Variants in KLRD1 observed in about 807,000 individuals in gnomAD.
KLRD1 encodes natural killer cells antigen CD94.
KLRD1 carries 21 observed loss-of-function variants against 22.6 expected under a neutral mutation model. That is an observed-to-expected ratio of 0.93 (90% CI 0.66 to 1.34). KLRD1 has a LOEUF of 1.34. KLRD1 is among the 40% of genes most tolerant of loss of function. The pLI is 0.00. For synonymous variants in KLRD1, 59 were observed against 71.1 expected, an observed-to-expected ratio of 0.83 and a Z score of 0.85; for missense variants, 183 against 208.6, an observed-to-expected ratio of 0.88 and a Z score of 0.76.
intron 1 of KLRD1, among the ~76,000 whole-genome samples, chr12:10,256,315 A>G (rs1349208230): frequency 6.6e-6 from 1 of 151,608 alleles, no homozygotes; most frequent in Non-Finnish European, 1.5e-5. Flanking sequence ...ATTTAATGCA[A>G]TTACTGATGG....
chr12:10,274,202 C>G (rs543383761), intron 1 of KLRD1, among the ~76,000 whole-genome samples: 106 of 152,080 alleles, frequency 7.0e-4, no homozygotes, highest in Non-Finnish European at 1.4e-3. Flanking sequence ...ATCGCTTGAA[C>G]CCGGGAGGCA....
chr12:10,317,199 T>C lies in KLRD1; in HGVS notation c.*2406T>C, dbSNP rs1950252036. On this transcript the variant is annotated 3_prime_UTR_variant, in exon 6 of 6. Coordinates refer to ENST00000336164, the MANE Select transcript of KLRD1 (RefSeq NM_002262.5). ...GTCTATCACTGATGGGCATTTGGGT[T>C]GGTTCCAAGTCTTTGCTATGGTAAA... 6.6e-6 allele frequency: 1 copy of C among 152,204 alleles called. No individual in the cohort carries two copies. Among genetic ancestry groups the C allele is most frequent in the Admixed American group, 6.5e-5 (1 of 15,284 alleles). The allele number at this position is 152,204 out of a possible 1,614,324, so 9.4% of individuals were successfully genotyped here.
upstream of KLRD1, among the ~76,000 whole-genome samples, chr12:10,306,951 AAAAT>A (rs1949940001): frequency 6.6e-6 from 1 of 152,228 alleles, no homozygotes; most frequent in South Asian, 2.1e-4. Context: ...AACAATATAC[AAAAT>A]ATAATACACA....
intron 1 of KLRD1, among the ~76,000 whole-genome samples, chr12:10,263,317 A>G (rs1025393748): frequency 1.3e-5 from 2 of 152,052 alleles, no homozygotes; most frequent in African/African-American, 4.8e-5. Flanking sequence ...CATTAAAATT[A>G]TACAAAATTG....
At chr12:10,289,100 C>T (rs1378340565) in intron 1 of KLRD1, among the ~76,000 whole-genome samples, 1 of 152,210 alleles carries the variant, frequency 6.6e-6, no homozygotes, top group Non-Finnish European at 1.5e-5. Context: ...GACAGGGGCT[C>T]AGTTCCACTT....
At chr12:10,286,113 T>A (rs891219686) in intron 1 of KLRD1, among the ~76,000 whole-genome samples, 1 of 152,154 alleles carries the variant, frequency 6.6e-6, no homozygotes, top group Non-Finnish European at 1.5e-5. Context: ...AGGTGTTAAC[T>A]GTTATTTTAG....
rs1410443279 is a variant in KLRD1, at chr12:10,317,408, A to G, written c.*2615A>G. 6.6e-6 allele frequency: 1 copy of G among 152,196 alleles called. No individual in the cohort carries two copies. The highest frequency in any genetic ancestry group is 1.5e-5 in the Non-Finnish European group (1 of 68,034). The allele number at this position is 152,196 out of a possible 1,614,324, so 9.4% of individuals were successfully genotyped here. On this transcript the variant is annotated 3_prime_UTR_variant, in exon 6 of 6. Transcript: ENST00000336164. ...ATAAGCTATGAGTCTGCCTTTCTTC[A>G]TGGTCCAGGATATGGGCCATGTGCT...
intron 1 of KLRD1, among the ~76,000 whole-genome samples, chr12:10,274,799 A>G (rs992503264): frequency 1.3e-5 from 2 of 152,208 alleles, no homozygotes; most frequent in East Asian, 3.8e-4. Context: ...TGTTTTCTAA[A>G]CACATTTCCA....
chr12:10,270,521 C>T (rs1949539865), intron 1 of KLRD1, among the ~76,000 whole-genome samples: 1 of 152,076 alleles, frequency 6.6e-6, no homozygotes, highest in Admixed American at 6.6e-5. Context: ...AGAACTTTCA[C>T]CAAGAATATT....
Position 10,311,549 on chromosome 12 carries a change from C to A in KLRD1, c.249C>A (p.Asn83Lys). 3.1e-6 allele frequency: 5 copies of A among 1,614,046 alleles called. No homozygotes were observed. The highest frequency in any genetic ancestry group is 4.2e-6 in the Non-Finnish European group (5 of 1,179,948). The change falls in exon 4 of 6, where the codon AAC (asparagine) becomes AAA (lysine). Residue 83 changes from asparagine to lysine, a missense_variant. Physicochemically the swap from Asn to Lys is moderately conservative, Grantham distance 94 (BLOSUM62 0). Coordinates refer to ENST00000336164, the MANE Select transcript of KLRD1 (RefSeq NM_002262.5). ...YFISSEQKTWNESRHLCASQK... is the reference protein window; with the variant it reads ...YFISSEQKTWKESRHLCASQK... ...TTTCCAGTGAACAGAAAACTTGGAA[C>A]GAAAGTCGGCATCTCTGTGCTTCTC...
intron 1 of KLRD1, among the ~76,000 whole-genome samples, chr12:10,281,342 T>C (rs780132736): frequency 6.6e-5 from 10 of 152,214 alleles, no homozygotes; most frequent in Non-Finnish European, 1.5e-4. Flanking sequence ...CCTCTAAAAC[T>C]GTAAGAGAAT....
intron 1 of KLRD1, among the ~76,000 whole-genome samples, chr12:10,250,201 CTTTTTTTTTTT>C (rs137861212): frequency 2.1e-5 from 2 of 94,566 alleles, no homozygotes; most frequent in African/African-American, 4.3e-5. Flanking sequence ...TAACGTTTTG[CTTTTTTTTTTT>C]TTTTTTTTTT....
upstream of KLRD1, among the ~76,000 whole-genome samples, chr12:10,302,388 G>A (rs1348308837): frequency 2.6e-5 from 4 of 152,214 alleles, no homozygotes; most frequent in Non-Finnish European, 5.9e-5. Context: ...GCTGATGTCA[G>A]TGGCAGGTAA....
chr12:10,314,396 A>G (rs1166610459), intron 5 of KLRD1, among the ~76,000 whole-genome samples: 1 of 152,214 alleles, frequency 6.6e-6, no homozygotes, highest in Non-Finnish European at 1.5e-5. Context: ...AATAAAATAG[A>G]AGAAAAGCAT....
chr12:10,308,094 A>C lies in KLRD1; in HGVS notation c.7+10A>C, dbSNP rs1309267621. ...TAATTTCTCATGGCAGGTATGTGTG[A>C]TTTCAGTCACTAAATTAAAAATAAC... On this transcript the variant is annotated intron_variant, in intron 1 of 5. Coordinates refer to ENST00000336164, the MANE Select transcript of KLRD1 (RefSeq NM_002262.5). 6.2e-7 allele frequency: 1 copy of C among 1,611,056 alleles called. No individual in the cohort carries two copies. Among genetic ancestry groups the C allele is most frequent in the Non-Finnish European group, 8.5e-7 (1 of 1,177,348 alleles).
At chr12:10,252,176 C>T (rs1405262213) in intron 1 of KLRD1, among the ~76,000 whole-genome samples, 1 of 152,148 alleles carries the variant, frequency 6.6e-6, no homozygotes, top group Non-Finnish European at 1.5e-5. Flanking sequence ...GTGGTTTACA[C>T]CTATAATCCC....
chr12:10,266,019 G>A (rs1949495656), intron 1 of KLRD1, among the ~76,000 whole-genome samples: 1 of 152,086 alleles, frequency 6.6e-6, no homozygotes, highest in Non-Finnish European at 1.5e-5. Flanking sequence ...AAAATGCTGT[G>A]TATATATATT....
intron 1 of KLRD1, among the ~76,000 whole-genome samples, chr12:10,279,085 C>A (rs1949617625): frequency 6.8e-6 from 1 of 147,138 alleles, no homozygotes; most frequent in South Asian, 2.2e-4. Context: ...CAGGTTATTT[C>A]ATTACCCAGG....
Position 10,327,906 on chromosome 12 carries a change from T to A in KLRD1, c.*13113T>A, listed in dbSNP as rs1950375435. 6.6e-6 allele frequency: 1 copy of A among 152,170 alleles called. No homozygotes were observed. The highest frequency in any genetic ancestry group is 1.9e-4 in the East Asian group (1 of 5,202). The allele number at this position is 152,170 out of a possible 1,614,324, so 9.4% of individuals were successfully genotyped here. On this transcript the variant is annotated 3_prime_UTR_variant, in exon 6 of 6. Coordinates refer to ENST00000336164, the MANE Select transcript of KLRD1 (RefSeq NM_002262.5). The stretch of plus-strand genomic sequence containing the variant: ...ATTTTGTGAAAACTTTTTTTCTGAA[T>A]CTATTGAGATGCACAGGTGACATTT...
Sources: allele counts gnomAD v4.1 joint callset (sites outside exome capture counted in the v4.1 genomes callset), GRCh38; gene constraint gnomAD v4.1.1; transcripts MANE v1.5; gene names NCBI Gene and HGNC (gene_info 2026-07-23, HGNC 2026-07-21).